The following NME7 variants were observed in gnomAD, a reference collection of about 807,000 sequenced individuals.
The protein encoded by NME7 is nucleoside diphosphate kinase 7.
In NME7, 41 loss-of-function variants were observed where a neutral mutation model predicts 49.1. The ratio of observed to expected loss-of-function variants is 0.83; its 90% CI spans 0.65 to 1.08. NME7 has a LOEUF of 1.08. Among genes scored for constraint, NME7 ranks in the 50% least tolerant of loss-of-function variants. NME7 has a pLI of 0.00. For synonymous variants in NME7, 139 were observed against 150.6 expected, an observed-to-expected ratio of 0.92 and a Z score of 0.56; for missense variants, 423 against 463.4, an observed-to-expected ratio of 0.91 and a Z score of 0.80.
At chr1:169,296,851 T>C (rs1314626119) in intron 6 of NME7, among the ~76,000 whole-genome samples, 1 of 152,150 alleles carries the variant, frequency 6.6e-6, no homozygotes, top group Non-Finnish European at 1.5e-5. Flanking sequence ...TTAATATATA[T>C]TTTAAAATAT....
At chr1:169,148,998 A>T (rs942588174) in intron 11 of NME7, among the ~76,000 whole-genome samples, 1 of 152,246 alleles carries the variant, frequency 6.6e-6, no homozygotes, top group South Asian at 2.1e-4. Flanking sequence ...TTCAACTTCA[A>T]GATTACTAGA....
intron 7 of NME7, among the ~76,000 whole-genome samples, chr1:169,274,949 G>A (rs1649643529): frequency 7.5e-6 from 1 of 132,834 alleles, no homozygotes; most frequent in African/African-American, 2.5e-5. Context: ...TGGCGATGTG[G>A]GCTCTTTTTT....
chr1:169,228,041 TACAC>T (rs72257273), intron 10 of NME7, among the ~76,000 whole-genome samples: 42,437 of 146,940 alleles, frequency 0.29, 6,422 homozygotes, highest in Non-Finnish European at 0.37. Flanking sequence ...TATGTGTGTA[TACAC>T]ACACACACAC....
intron 7 of NME7, among the ~76,000 whole-genome samples, chr1:169,243,962 C>A (rs926293988): frequency 6.6e-6 from 1 of 151,878 alleles, no homozygotes; most frequent in East Asian, 1.9e-4. Context: ...GCCCCAGAGC[C>A]TAAGATTATA....
intron 11 of NME7, chr1:169,168,853 C>G (rs1213703005): frequency 2.2e-6 from 1 of 455,944 alleles, no homozygotes; most frequent in African/African-American, 2.0e-5. Context: ...CTACAAAGTT[C>G]ACCCAAGAGT....
intron 10 of NME7, among the ~76,000 whole-genome samples, chr1:169,186,615 C>T (rs1032201148): frequency 6.6e-6 from 1 of 151,974 alleles, no homozygotes; most frequent in African/African-American, 2.4e-5. Context: ...GGTGATATCC[C>T]CTTTATCATT....
Position 169,258,182 on chromosome 1 carries a change from A to T in NME7, c.755-20495T>A, listed in dbSNP as rs2101859192. On this transcript the variant is annotated intron_variant, in intron 7 of 11. Coordinates refer to ENST00000367811, the MANE Select transcript of NME7 (RefSeq NM_013330.5). Reference sequence around the variant, plus strand: ...GTGAGACCCTGTCTCTACAAAAAATAAGAAATTAGCTAGGTGTTGTGGCAC... The same window carrying T: ...GTGAGACCCTGTCTCTACAAAAAATTAGAAATTAGCTAGGTGTTGTGGCAC... Among the ~76,000 whole-genome samples, 5 of 127,354 alleles carry T rather than the reference A, an allele frequency of 3.9e-5. 1 individual carries two copies. The Middle Eastern group carries it at 0.016, about 398-fold the overall frequency. The allele number at this position is 127,354 out of a possible 152,430, so 83.5% of individuals were successfully genotyped here.
At chr1:169,363,366 C>G (rs1173354648) in intron 1 of NME7, among the ~76,000 whole-genome samples, 1 of 152,138 alleles carries the variant, frequency 6.6e-6, no homozygotes, top group East Asian at 1.9e-4. Context: ...ACATCAGAAT[C>G]CAGTACACAT....
chr1:169,345,620 T>C lies in NME7; in HGVS notation c.4-21120A>G, dbSNP rs114538555. Among the ~76,000 whole-genome samples, 1,258 of 152,314 alleles carry C rather than the reference T, an allele frequency of 8.3e-3. 5 individuals carry two copies. Among genetic ancestry groups the C allele is most frequent in the Middle Eastern group, 0.02 (6 of 294 alleles). ...AGTACAGGCATTTCTCCTTGGTTTCTTGATGTTAGAGTGTCAGCATACTCT... is the reference window on the plus strand; with the variant it reads ...AGTACAGGCATTTCTCCTTGGTTTCCTGATGTTAGAGTGTCAGCATACTCT... On this transcript the variant is annotated intron_variant, in intron 1 of 11. Transcript: ENST00000367811.
At chr1:169,214,030 T>C (rs555025855) in intron 10 of NME7, among the ~76,000 whole-genome samples, 16 of 152,262 alleles carry the variant, frequency 1.1e-4, no homozygotes, top group African/African-American at 3.6e-4. Flanking sequence ...CTTTTGAAGA[T>C]CTATACAGTT....
intron 7 of NME7, among the ~76,000 whole-genome samples, chr1:169,243,337 G>GA (rs1412676164): frequency 6.6e-6 from 1 of 152,058 alleles, no homozygotes; most frequent in Non-Finnish European, 1.5e-5. Context: ...AAGTCTCCAA[G>GA]AAAAAAGAGT....
intron 1 of NME7, among the ~76,000 whole-genome samples, chr1:169,352,018 T>A (rs1350886516): frequency 6.6e-6 from 1 of 151,864 alleles, no homozygotes; most frequent in Non-Finnish European, 1.5e-5. Context: ...ACCAATCCTA[T>A]TCAAACTATT....
Position 169,257,676 on chromosome 1 carries a change from T to C in NME7, c.755-19989A>G, listed in dbSNP as rs1217590874. ...TCTATTCTGGTTCATAATTGCCTTT[T>C]TCTTTTAAAGTTTAAAACTCCTTTT... is the stretch of plus-strand genomic sequence containing the variant. On this transcript the variant is annotated intron_variant, in intron 7 of 11. Transcript: ENST00000367811. Among the ~76,000 whole-genome samples the C allele has an allele frequency of 1.5e-5, 2 of 134,430 alleles. 1 individual carries two copies. The highest frequency in any genetic ancestry group is 3.5e-5 in the Non-Finnish European group (2 of 57,160). 88.2% of individuals were successfully genotyped at this position (134,430 alleles called of 152,430 possible).
intron 11 of NME7, among the ~76,000 whole-genome samples, chr1:169,154,626 C>T (rs145407562): frequency 0.017 from 2,587 of 151,748 alleles, 68 homozygotes; most frequent in African/African-American, 0.057. Flanking sequence ...GGTAAAACAC[C>T]GTCTCTACTA....
At chr1:169,324,725 T>A (rs1651994809) in intron 1 of NME7, among the ~76,000 whole-genome samples, 1 of 152,254 alleles carries the variant, frequency 6.6e-6, no homozygotes, top group Admixed American at 6.5e-5. Flanking sequence ...AGATGACTTA[T>A]GGATTGCTTT....
chr1:169,218,927 T>C (rs1661056382), intron 10 of NME7, among the ~76,000 whole-genome samples: 1 of 152,194 alleles, frequency 6.6e-6, no homozygotes, highest in Non-Finnish European at 1.5e-5. Context: ...GGATCTTAAA[T>C]ACAACTTTTT....
In NME7 at chr1:169,252,932, G is replaced by C. The variant is rs530112850; in HGVS notation, c.755-15245C>G. Among the ~76,000 whole-genome samples, 506 of 149,018 alleles carry C rather than the reference G, an allele frequency of 3.4e-3. 4 individuals carry two copies. Among genetic ancestry groups the C allele is most frequent in the African/African-American group, 0.012 (482 of 40,170 alleles). On this transcript the variant is annotated intron_variant, in intron 7 of 11. Transcript: ENST00000367811. ...TTCCATTGATCTATATCTCTGTTTT[G>C]GTACCAGTACCATGCTGTTTTGGTT...
chr1:169,331,454 T>C (rs904819478), intron 1 of NME7, among the ~76,000 whole-genome samples: 5 of 152,126 alleles, frequency 3.3e-5, no homozygotes, highest in Non-Finnish European at 7.4e-5. Context: ...TTCAACATAA[T>C]AATGGAAGTC....
intron 7 of NME7, among the ~76,000 whole-genome samples, chr1:169,270,436 C>T (rs1649453822): frequency 7.5e-6 from 1 of 133,784 alleles, no homozygotes. Context: ...ACTTCATGCA[C>T]TTAAATCAGA....
Sources: allele counts gnomAD v4.1 joint callset (sites outside exome capture counted in the v4.1 genomes callset), GRCh38; gene constraint gnomAD v4.1.1; transcripts MANE v1.5; gene names NCBI Gene and HGNC (gene_info 2026-07-23, HGNC 2026-07-21).